TGM6: variants seen among roughly 807,000 people sequenced by gnomAD.
TGM6 encodes transglutaminase 6, also known as protein-glutamine gamma-glutamyltransferase 6.
A neutral mutation model predicts 77.5 loss-of-function variants in TGM6; 74 were observed. That is an observed-to-expected ratio of 0.96 (90% CI 0.79 to 1.16). The LOEUF (loss-of-function observed/expected upper bound fraction) is 1.16. Among genes scored for constraint, TGM6 ranks in the 50% most tolerant of loss-of-function variants. TGM6 has a pLI of 0.00. For missense variants in TGM6, 968 were observed against 940.2 expected (o/e 1.03, Z -0.39); for synonymous variants, 383 against 378.9 (o/e 1.01, Z -0.12).
Position 2,417,585 on chromosome 20 carries a change from C to G in TGM6, c.1678+12C>G. On this transcript the variant is annotated intron_variant, in intron 10 of 12. Transcript: ENST00000202625. ...GGGGCCGCAAGAAGGTAAGTGTACG[C>G]TGGCTTGGTGGAATCAGGCCAAACC... The G allele has an allele frequency of 6.3e-7, 1 of 1,593,488 alleles. No individual in the cohort carries two copies. The highest frequency in any genetic ancestry group is 8.5e-7 in the Non-Finnish European group (1 of 1,176,986).
At chr20:2,398,462 C>G (rs912222384) in intron 5 of TGM6, among the ~76,000 whole-genome samples, 6 of 152,106 alleles carry the variant, frequency 3.9e-5, no homozygotes, top group African/African-American at 1.4e-4. Flanking sequence ...GTGGCTGGAG[C>G]AGCTGGGACC....
chr20:2,431,422 CAT>C (rs1336273343), intron 12 of TGM6, among the ~76,000 whole-genome samples: 4 of 152,216 alleles, frequency 2.6e-5, no homozygotes, highest in Admixed American at 1.3e-4. Flanking sequence ...TTCATTCACA[CAT>C]GTTCCCATTT....
chr20:2,384,684 A>C (rs1357386542), intron 1 of TGM6, among the ~76,000 whole-genome samples: 1 of 152,184 alleles, frequency 6.6e-6, no homozygotes. Context: ...ATGTGAGCTC[A>C]AGTGTGTGCC....
At position 2,403,381 on chromosome 20, in the gene TGM6, CCT is replaced by C. The variant is rs780506253; in HGVS notation, c.990-9_990-8del. 2 of 1,614,014 alleles carry C rather than the reference CCT, an allele frequency of 1.2e-6. No individual in the cohort carries two copies. Among genetic ancestry groups the C allele is most frequent in the South Asian group, 1.1e-5 (1 of 91,044 alleles). ...CCTCACTCTAGGCAGCTTCACCCAT[CCT>C]CTCTCTGTGGCAGGAATTTCCATGT... On this transcript the variant is annotated splice_polypyrimidine_tract_variant and intron_variant, in intron 7 of 12. Coordinates refer to ENST00000202625, the MANE Select transcript of TGM6 (RefSeq NM_198994.3).
intron 10 of TGM6, among the ~76,000 whole-genome samples, chr20:2,421,432 T>G (rs1426442533): frequency 9.9e-5 from 15 of 152,252 alleles, no homozygotes; most frequent in Non-Finnish European, 2.9e-5. Flanking sequence ...GCATTCCTGT[T>G]GTTCCCTATT....
intron 9 of TGM6, 75 bp from the exon 10 acceptor site, chr20:2,417,157 T>C: frequency 2.1e-6 from 3 of 1,400,682 alleles, no homozygotes; most frequent in Non-Finnish European, 3.0e-6. Context: ...GAACTGCCAG[T>C]TTGACTTCCA....
intron 7 of TGM6, among the ~76,000 whole-genome samples, chr20:2,402,121 C>T (rs2084714560): frequency 6.6e-6 from 1 of 151,872 alleles, no homozygotes; most frequent in Non-Finnish European, 1.5e-5. Flanking sequence ...TGACACACAC[C>T]TCCCCAGCTA....
intron 10 of TGM6, among the ~76,000 whole-genome samples, chr20:2,423,990 C>G (rs940029390): frequency 6.6e-6 from 1 of 152,190 alleles, no homozygotes; most frequent in Admixed American, 6.5e-5. Flanking sequence ...TAGGTCTCAA[C>G]AGTTGGCCTA....
At chr20:2,418,834 T>C (rs2084835930) in intron 10 of TGM6, among the ~76,000 whole-genome samples, 1 of 147,392 alleles carries the variant, frequency 6.8e-6, no homozygotes, top group Non-Finnish European at 1.5e-5. Flanking sequence ...CCTAGCATTT[T>C]GGGAGGCCAA....
intron 9 of TGM6, among the ~76,000 whole-genome samples, chr20:2,411,466 C>A (rs984499950): frequency 8.4e-5 from 12 of 142,518 alleles, no homozygotes; most frequent in African/African-American, 2.7e-4. Context: ...TAAAAAAAAA[C>A]ACTCAACAAA....
intron 10 of TGM6, among the ~76,000 whole-genome samples, chr20:2,427,400 A>T (rs2084894946): frequency 6.6e-6 from 1 of 152,122 alleles, no homozygotes; most frequent in African/African-American, 2.4e-5. Flanking sequence ...TCTTGCATTT[A>T]TCATATTAGT....
In TGM6 at chr20:2,409,709, C is replaced by CA. The variant is rs377094400; in HGVS notation, c.1336+5899dup. Reference sequence around the variant, plus strand: ...CCTGGATCACAAAGCGAGACTGTCTCAAAAAAAAAAAAAGAACCTAGAAAA... The same window carrying CA: ...CCTGGATCACAAAGCGAGACTGTCTCAAAAAAAAAAAAAAGAACCTAGAAAA... On this transcript the variant is annotated intron_variant, in intron 9 of 12. Transcript: ENST00000202625. Among the ~76,000 whole-genome samples, 682 of 102,782 alleles carry CA rather than the reference C, an allele frequency of 6.6e-3. 3 individuals are homozygous for CA. The highest frequency in any genetic ancestry group is 0.034 in the Middle Eastern group (6 of 178). The allele number at this position is 102,782 out of a possible 152,430, so 67.4% of individuals were successfully genotyped here.
At chr20:2,425,028 T>C (rs2084878691) in intron 10 of TGM6, among the ~76,000 whole-genome samples, 1 of 152,110 alleles carries the variant, frequency 6.6e-6, no homozygotes, top group Non-Finnish European at 1.5e-5. Context: ...GTTACAATAG[T>C]AGCCTCAAAG....
intron 10 of TGM6, among the ~76,000 whole-genome samples, chr20:2,423,466 T>C (rs1235244827): frequency 6.6e-6 from 1 of 152,184 alleles, no homozygotes; most frequent in Non-Finnish European, 1.5e-5. Flanking sequence ...TGCTCACACA[T>C]AAGAAGCAAC....
At chr20:2,424,125 T>A (rs11700175) in intron 10 of TGM6, among the ~76,000 whole-genome samples, 13,520 of 152,224 alleles carry the variant, frequency 0.089, 753 homozygotes, top group East Asian at 0.21. Context: ...GAAATTTAAA[T>A]GAGCATTGGC....
intron 1 of TGM6, among the ~76,000 whole-genome samples, chr20:2,383,485 A>G (rs1034324417): frequency 2.0e-5 from 3 of 152,190 alleles, no homozygotes; most frequent in Non-Finnish European, 2.9e-5. Flanking sequence ...GGAGGAGGTC[A>G]GAGGGCCAGA....
intron 7 of TGM6, among the ~76,000 whole-genome samples, chr20:2,402,702 C>A (rs1294742190): frequency 6.6e-6 from 1 of 152,208 alleles, no homozygotes; most frequent in Non-Finnish European, 1.5e-5. Flanking sequence ...AGACCTTGAG[C>A]AGGTGATGTC....
chr20:2,416,380 A>G (rs2084816823), intron 9 of TGM6, among the ~76,000 whole-genome samples: 1 of 152,246 alleles, frequency 6.6e-6, no homozygotes, highest in South Asian at 2.1e-4. Flanking sequence ...TGATTTCTAC[A>G]TGGGTGTCAA....
rs768299438 is a variant in TGM6, at chr20:2,403,567, C to T, written c.1094-14C>T. 6.2e-6 allele frequency: 10 copies of T among 1,614,058 alleles called. No homozygotes were observed. The African/African-American group carries it at 1.3e-4, about 22-fold the overall frequency. ...TCCTTACCCATGCTGCTCATGCCCA[C>T]CCCTCCTGCCCAGGTGTGTTCCGGT... On this transcript the variant is annotated splice_polypyrimidine_tract_variant and intron_variant, in intron 8 of 12. Coordinates refer to ENST00000202625, the MANE Select transcript of TGM6 (RefSeq NM_198994.3).
Sources: gnomAD v4.1 joint callset for allele counts (sites outside exome capture counted in the v4.1 genomes callset) on GRCh38, gnomAD v4.1.1 for gene constraint, MANE v1.5 for transcripts, NCBI Gene and HGNC (gene_info 2026-07-23, HGNC 2026-07-21) for gene names.